The following PCDH15 variants were observed in gnomAD, a reference collection of about 807,000 sequenced individuals.
PCDH15 encodes the protein protocadherin-15.
A neutral mutation model predicts 178.5 loss-of-function variants in PCDH15; 129 were observed. That is an observed-to-expected ratio of 0.72 (90% CI 0.63 to 0.84). PCDH15 has a LOEUF of 0.84. Ranked by LOEUF, PCDH15 falls within the 40% of genes least tolerant of loss-of-function variation. PCDH15 has a pLI of 0.00. For synonymous variants in PCDH15, 800 were observed against 732.0 expected, an observed-to-expected ratio of 1.09 and a Z score of -1.50; for missense variants, 2,230 against 2,099.9, an observed-to-expected ratio of 1.06 and a Z score of -1.21.
chr10:55,442,390 A>AGGCAATG (rs1423672127), intron 2 of PCDH15, among the ~76,000 whole-genome samples: 1 of 148,358 alleles, frequency 6.7e-6, no homozygotes, highest in East Asian at 2.0e-4. Flanking sequence ...ATTACCAAAA[A>AGGCAATG]GGCAATGTTT....
intron 2 of PCDH15, among the ~76,000 whole-genome samples, chr10:55,075,356 T>A (rs917462708): frequency 1.4e-5 from 2 of 140,992 alleles, no homozygotes; most frequent in Non-Finnish European, 3.0e-5. Context: ...AGATTATCAA[T>A]TTTGTTTAAA....
At chr10:54,404,214 G>A (rs112691905) in intron 3 of PCDH15, among the ~76,000 whole-genome samples, 3,980 of 151,602 alleles carry the variant, frequency 0.026, 167 homozygotes, top group African/African-American at 0.089. Flanking sequence ...AATAGCCAAG[G>A]CATTCCTAAG....
chr10:54,542,899 G>T (rs1215592917), intron 2 of PCDH15, among the ~76,000 whole-genome samples: 3 of 152,158 alleles, frequency 2.0e-5, no homozygotes, highest in Non-Finnish European at 4.4e-5. Context: ...CCTATAAAAA[G>T]CCAAGACCCT....
chr10:54,925,583 T>A (rs974079477), intron 2 of PCDH15, among the ~76,000 whole-genome samples: 2 of 152,196 alleles, frequency 1.3e-5, no homozygotes. Flanking sequence ...TAGCATGCGA[T>A]GTTTTTCCAT....
intron 2 of PCDH15, among the ~76,000 whole-genome samples, chr10:55,622,019 T>C (rs1837403229): frequency 7.1e-6 from 1 of 141,772 alleles, no homozygotes; most frequent in Admixed American, 7.4e-5. Context: ...ATATAATAAA[T>C]ATTTATATAT....
intron 3 of PCDH15, among the ~76,000 whole-genome samples, chr10:54,522,973 C>G (rs891612594): frequency 2.6e-5 from 4 of 152,198 alleles, no homozygotes; most frequent in Non-Finnish European, 5.9e-5. Flanking sequence ...AAGCAACACT[C>G]TCAACCACAC....
intron 1 of PCDH15, among the ~76,000 whole-genome samples, chr10:55,218,633 C>T (rs1840778069): frequency 6.6e-6 from 1 of 151,944 alleles, no homozygotes; most frequent in Admixed American, 6.6e-5. Flanking sequence ...GATAGGTAAG[C>T]CATCAAAGCA....
At chr10:54,389,167 A>C (rs1240055418) in intron 3 of PCDH15, among the ~76,000 whole-genome samples, 3 of 3,700 alleles carry the variant, frequency 8.1e-4, no homozygotes, top group East Asian at 0.25. Flanking sequence ...AAACAAAACA[A>C]AAAAAAACTG....
intron 2 of PCDH15, among the ~76,000 whole-genome samples, chr10:55,477,905 A>T (rs1840095251): frequency 6.6e-6 from 1 of 151,890 alleles, no homozygotes; most frequent in South Asian, 2.1e-4. Context: ...AATAGATAAA[A>T]CACACAAGAC....
chr10:55,326,323 G>T (rs1456905750), intron 2 of PCDH15, among the ~76,000 whole-genome samples: 1 of 152,088 alleles, frequency 6.6e-6, no homozygotes, highest in Admixed American at 6.6e-5. Context: ...GCAAAGACAT[G>T]TAATCAACCC....
chr10:54,563,108 A>T (rs531535451), intron 2 of PCDH15, among the ~76,000 whole-genome samples: 2 of 152,224 alleles, frequency 1.3e-5, no homozygotes, highest in South Asian at 2.1e-4. Context: ...AAAGGAAATA[A>T]AAAAAGTGCT....
At chr10:55,442,906 A>G (rs1432864642) in intron 2 of PCDH15, among the ~76,000 whole-genome samples, 1 of 152,130 alleles carries the variant, frequency 6.6e-6, no homozygotes, top group Non-Finnish European at 1.5e-5. Flanking sequence ...AAAGGAGAAG[A>G]ATGGAACATT....
chr10:54,421,836 ATACACACACAC>A (rs1270009232), intron 3 of PCDH15, among the ~76,000 whole-genome samples: 1,543 of 79,402 alleles, frequency 0.019, 48 homozygotes, highest in Middle Eastern at 0.049. Context: ...ATATATATAT[ATACACACACAC>A]TATATATATA....
At chr10:54,702,628 G>C (rs1042385847) in intron 1 of PCDH15, among the ~76,000 whole-genome samples, 1 of 150,158 alleles carries the variant, frequency 6.7e-6, no homozygotes, top group Non-Finnish European at 1.5e-5. Context: ...ATAAATTCCT[G>C]GAAATACAAC....
intron 1 of PCDH15, among the ~76,000 whole-genome samples, chr10:55,189,139 A>C (rs1839876873): frequency 4.0e-5 from 6 of 151,836 alleles, no homozygotes; most frequent in Admixed American, 3.3e-4. Context: ...ATGGATGAGC[A>C]ACAAGGGCGC....
intron 15 of PCDH15, among the ~76,000 whole-genome samples, chr10:54,095,784 G>A (rs1240748033): frequency 6.6e-6 from 1 of 151,958 alleles, no homozygotes; most frequent in East Asian, 1.9e-4. Flanking sequence ...TTAGATTTAG[G>A]GATACTCTAT....
chr10:54,122,479 C>T (rs1447308472), intron 15 of PCDH15, among the ~76,000 whole-genome samples: 1 of 151,944 alleles, frequency 6.6e-6, no homozygotes, highest in Non-Finnish European at 1.5e-5. Context: ...CTTGTCTCAC[C>T]ACTCCTATTC....
chr10:54,265,038 G>C (rs551327145), intron 8 of PCDH15, among the ~76,000 whole-genome samples: 7 of 152,136 alleles, frequency 4.6e-5, no homozygotes, highest in African/African-American at 1.7e-4. Context: ...CCCACAAAGG[G>C]AACCCCATCA....
intron 14 of PCDH15, among the ~76,000 whole-genome samples, chr10:54,139,058 G>GCAAAAAC: frequency 6.6e-6 from 1 of 152,052 alleles, no homozygotes; most frequent in African/African-American, 2.4e-5. Context: ...CTTTAGAATT[G>GCAAAAAC]TCAGCATACA....
Sources: gnomAD v4.1 joint callset for allele counts (sites outside exome capture counted in the v4.1 genomes callset) on GRCh38, gnomAD v4.1.1 for gene constraint, MANE v1.5 for transcripts, NCBI Gene and HGNC (gene_info 2026-07-23, HGNC 2026-07-21) for gene names.